The following MTMR8 variants were observed in gnomAD, a reference collection of about 807,000 sequenced individuals.
MTMR8 encodes the protein myotubularin related protein 8, also known as phosphatidylinositol-3,5-bisphosphate 3-phosphatase MTMR8.
MTMR8 carries 65 observed loss-of-function variants against 39.3 expected under a neutral mutation model. The observed-to-expected ratio is 1.65, with a 90% CI of 1.35 to 2.03. The LOEUF (loss-of-function observed/expected upper bound fraction) is 2.03. Ranked by LOEUF, MTMR8 falls within the 30% of genes most tolerant of loss-of-function variation. MTMR8 has a pLI of 0.00. For synonymous variants in MTMR8, 245 were observed against 185.2 expected (o/e 1.32, Z -2.62); for missense variants, 777 against 538.9 (o/e 1.44, Z -4.37).
At chrX:64,284,590 C>T (rs887332414) in intron 12 of MTMR8, among the ~76,000 whole-genome samples, 9 of 111,792 alleles carry the variant, frequency 8.1e-5, no homozygotes, top group Non-Finnish European at 1.5e-4. Context: ...TCACATTACC[C>T]ACAAAGGGAA....
At chrX:64,307,380 T>G (rs1425423243) in intron 12 of MTMR8, among the ~76,000 whole-genome samples, 1 of 112,203 alleles carries the variant, frequency 8.9e-6, no homozygotes, top group African/African-American at 3.2e-5. Flanking sequence ...TATGATCCAT[T>G]TTGTATAAAG....
chrX:64,305,982 G>A (rs1922099941), intron 12 of MTMR8: 1 of 192,251 alleles, frequency 5.2e-6, no homozygotes, highest in African/African-American at 3.0e-5. Context: ...TGGGTGTGGT[G>A]GCACGCACTT....
chrX:64,364,119 G>T (rs1359261389), intron 1 of MTMR8, among the ~76,000 whole-genome samples: 1 of 111,027 alleles, frequency 9.0e-6, no homozygotes, highest in South Asian at 3.8e-4. Flanking sequence ...CTGCAACTCT[G>T]CAAGGCCTGC....
chrX:64,362,680 C>T (rs750727534), intron 1 of MTMR8, among the ~76,000 whole-genome samples: 3 of 109,323 alleles, frequency 2.7e-5, no homozygotes, highest in Non-Finnish European at 5.7e-5. Flanking sequence ...CCTTACCTAA[C>T]ACCATATACA....
At chrX:64,331,942 C>A (rs1321184590) in intron 10 of MTMR8, among the ~76,000 whole-genome samples, 185 bp from the exon 11 acceptor site, 1 of 111,399 alleles carries the variant, frequency 9.0e-6, no homozygotes, top group Non-Finnish European at 1.9e-5. Flanking sequence ...CTGCTGGTGT[C>A]CTTCACTGTC....
chrX:64,360,463 A>G, intron 1 of MTMR8: 1 of 253,990 alleles, frequency 3.9e-6, no homozygotes, highest in Non-Finnish European at 7.3e-6. Flanking sequence ...AAGCTATTAT[A>G]TACAGAGTAG....
At chrX:64,378,674 T>C (rs1334112329) in intron 1 of MTMR8, among the ~76,000 whole-genome samples, 1 of 112,541 alleles carries the variant, frequency 8.9e-6, no homozygotes, top group African/African-American at 3.2e-5. Context: ...TCTATAGCAT[T>C]GAATGCATAT....
intron 12 of MTMR8, among the ~76,000 whole-genome samples, chrX:64,309,665 T>G (rs893011269): frequency 9.0e-6 from 1 of 111,703 alleles, no homozygotes; most frequent in Admixed American, 9.6e-5. Context: ...ATTAAATTAC[T>G]GTCAAACCTT....
chrX:64,324,844 G>A (rs1252764583), intron 12 of MTMR8, among the ~76,000 whole-genome samples: 8 of 95,832 alleles, frequency 8.3e-5, no homozygotes, highest in Middle Eastern at 5.4e-3. Flanking sequence ...AAAAAGAGAG[G>A]TTTAAAATAA....
chrX:64,270,399 A>G (rs887642287), intron 13 of MTMR8, among the ~76,000 whole-genome samples: 2 of 111,885 alleles, frequency 1.8e-5, no homozygotes, highest in Non-Finnish European at 3.8e-5. Flanking sequence ...CTTCAAACAA[A>G]CCCTTAGGGA....
chrX:64,372,158 T>G (rs1199684475), intron 1 of MTMR8, among the ~76,000 whole-genome samples: 1 of 101,309 alleles, frequency 9.9e-6, no homozygotes, highest in East Asian at 2.9e-4. Context: ...TAATTATAGA[T>G]TCATAGGAAA....
chrX:64,382,711 G>T (rs1228179176), intron 1 of MTMR8, among the ~76,000 whole-genome samples: 2 of 111,488 alleles, frequency 1.8e-5, no homozygotes, highest in East Asian at 2.8e-4. Context: ...TCCAGTTTTT[G>T]CCCATTCAGT....
intron 12 of MTMR8, among the ~76,000 whole-genome samples, chrX:64,294,501 T>C (rs1206692195): frequency 8.9e-6 from 1 of 111,953 alleles, no homozygotes; most frequent in Non-Finnish European, 1.9e-5. Context: ...CAAGATTCTG[T>C]CTCTGAGGTT....
chrX:64,314,019 T>C (rs1331296205), intron 12 of MTMR8, among the ~76,000 whole-genome samples: 2 of 112,303 alleles, frequency 1.8e-5, no homozygotes, highest in Admixed American at 9.4e-5. Flanking sequence ...TTGACTGGGT[T>C]CATTTCTGGA....
chrX:64,368,205 C>T (rs1924030065), intron 1 of MTMR8, among the ~76,000 whole-genome samples: 1 of 111,332 alleles, frequency 9.0e-6, no homozygotes, highest in South Asian at 3.7e-4. Context: ...ACATTCAATG[C>T]CATCCCCATC....
chrX:64,274,632 A>G (rs1368541502), intron 12 of MTMR8, among the ~76,000 whole-genome samples: 1 of 112,164 alleles, frequency 8.9e-6, no homozygotes, highest in African/African-American at 3.2e-5. Context: ...TATTCACAAG[A>G]GTCAAGATAT....
At chrX:64,338,012 T>C (rs1179258259) in intron 8 of MTMR8, among the ~76,000 whole-genome samples, 2 of 111,828 alleles carry the variant, frequency 1.8e-5, no homozygotes, top group Non-Finnish European at 3.8e-5. Context: ...AAGACTCAGT[T>C]TCTGCTTTCA....
At chrX:64,324,127 G>T (rs1385397946) in intron 12 of MTMR8, among the ~76,000 whole-genome samples, 1 of 111,992 alleles carries the variant, frequency 8.9e-6, no homozygotes, top group African/African-American at 3.2e-5. Context: ...CTTTTGGGGG[G>T]GCCAAAGTGG....
At chrX:64,297,783 T>G (rs1312611737) in intron 12 of MTMR8, among the ~76,000 whole-genome samples, 5 of 111,376 alleles carry the variant, frequency 4.5e-5, no homozygotes, top group Non-Finnish European at 9.4e-5. Context: ...AGGATCCAGT[T>G]TCAGCTTTCT....
Sources: gnomAD v4.1 joint callset for allele counts (sites outside exome capture counted in the v4.1 genomes callset) on GRCh38, gnomAD v4.1.1 for gene constraint, MANE v1.5 for transcripts, NCBI Gene and HGNC (gene_info 2026-07-23, HGNC 2026-07-21) for gene names.